ORC5: variants seen among roughly 807,000 people sequenced by gnomAD.
ORC5 encodes the protein protein phosphatase 1, regulatory subunit 117.
A neutral mutation model predicts 58.8 loss-of-function variants in ORC5; 39 were observed. The observed-to-expected ratio is 0.66, with a 90% confidence interval of 0.51 to 0.87. The LOEUF (loss-of-function observed/expected upper bound fraction) is 0.87, where lower values mean the gene tolerates loss of function less well. Among genes scored for constraint, ORC5 ranks in the 40% least tolerant of loss-of-function variants. The pLI is 0.00. For missense variants in ORC5, 493 were observed against 506.3 expected (o/e 0.97, Z 0.25); for synonymous variants, 218 against 177.6 (o/e 1.23, Z -1.81).
intron 8 of ORC5, among the ~76,000 whole-genome samples, chr7:104,172,051 CTTTG>C (rs1048208394): frequency 2.6e-5 from 4 of 152,184 alleles, no homozygotes; most frequent in African/African-American, 9.6e-5. Context: ...TCCTTTCAGT[CTTTG>C]TTTGACTTTT....
intron 12 of ORC5, among the ~76,000 whole-genome samples, chr7:104,159,075 C>T (rs1798978942): frequency 6.6e-6 from 1 of 151,364 alleles, no homozygotes; most frequent in African/African-American, 2.4e-5. Flanking sequence ...TTGGAACCAA[C>T]CCAAATGTCC....
At chr7:104,188,867 C>T (rs7805361) in intron 5 of ORC5, among the ~76,000 whole-genome samples, 6,746 of 151,990 alleles carry the variant, frequency 0.044, 485 homozygotes, top group African/African-American at 0.15. Flanking sequence ...TCAAAGTGTG[C>T]AGCACTTCCC....
chr7:104,188,023 T>C (rs1180618801), intron 6 of ORC5: 1 of 1,103,006 alleles, frequency 9.1e-7, no homozygotes, highest in African/African-American at 1.6e-5. Context: ...GACATTTTTC[T>C]GATCAGATCA....
chr7:104,165,375 T>C, intron 10 of ORC5, 93 bp from the exon 11 acceptor site: 2 of 689,022 alleles, frequency 2.9e-6, no homozygotes, highest in South Asian at 3.4e-5. Flanking sequence ...CACATAATAC[T>C]AATCTGTATA....
At chr7:104,179,567 C>T (rs1308836218) in intron 8 of ORC5, among the ~76,000 whole-genome samples, 1 of 150,718 alleles carries the variant, frequency 6.6e-6, no homozygotes, top group Non-Finnish European at 1.5e-5. Context: ...TATTGATCTG[C>T]TCTTAGTAAA....
Position 104,144,792 on chromosome 7 carries a change from T to TG in ORC5, c.1150-7900_1150-7899insC, listed in dbSNP as rs1462959264. On this transcript the variant is annotated intron_variant, in intron 12 of 13. Coordinates refer to ENST00000297431, the MANE Select transcript of ORC5 (RefSeq NM_002553.4). ...AAATAATGAACAGGATCATAAAAAA[T>TG]ACTTATTTACTTCCTTGCTCCACTT... is the stretch of plus-strand genomic sequence containing the variant. Among the ~76,000 whole-genome samples the TG allele has an allele frequency of 5.3e-5, 8 of 152,280 alleles. No individual in the cohort carries two copies. In the East Asian group the frequency reaches 1.5e-3, roughly 29 times the overall value.
rs139036700 is a variant in ORC5 at position 104,127,463 on chromosome 7, G to A, written c.1263-570C>T. 3.0e-4 allele frequency among the ~76,000 whole-genome samples: 46 copies of A among 152,194 alleles called. 1 individual carries two copies. The highest frequency in any genetic ancestry group is 1.1e-3 in the African/African-American group (46 of 41,534). On this transcript the variant is annotated intron_variant, in intron 13 of 13. Coordinates refer to ENST00000297431, the MANE Select transcript of ORC5 (RefSeq NM_002553.4). The stretch of plus-strand genomic sequence containing the variant: ...TGAATGTATATTTTTGTACTCTGAT[G>A]GCAGGCAGAATAAAATAGCAGAGAG...
At chr7:104,130,905 C>T (rs1033626841) in intron 13 of ORC5, among the ~76,000 whole-genome samples, 1 of 152,210 alleles carries the variant, frequency 6.6e-6, no homozygotes, top group Non-Finnish European at 1.5e-5. Context: ...CCCGTCCTAG[C>T]TTAAGACTCC....
At chr7:104,132,271 A>G (rs1488842713) in intron 13 of ORC5, among the ~76,000 whole-genome samples, 3 of 152,170 alleles carry the variant, frequency 2.0e-5, no homozygotes, top group Non-Finnish European at 4.4e-5. Flanking sequence ...GCAACTTTAT[A>G]TGAACTGTTA....
intron 11 of ORC5, among the ~76,000 whole-genome samples, chr7:104,163,125 T>A (rs576734644): frequency 1.3e-5 from 2 of 152,288 alleles, no homozygotes; most frequent in East Asian, 3.9e-4. Flanking sequence ...CTTGTGCACA[T>A]GTGTGAGTTT....
At chr7:104,181,786 C>T (rs987877791) in intron 8 of ORC5, among the ~76,000 whole-genome samples, 26 of 135,394 alleles carry the variant, frequency 1.9e-4, no homozygotes, top group African/African-American at 6.0e-4. Flanking sequence ...AGCGAGACTC[C>T]GTCTCAAAAA....
intron 12 of ORC5, among the ~76,000 whole-genome samples, chr7:104,142,632 T>C (rs911689545): frequency 1.3e-5 from 2 of 152,250 alleles, no homozygotes; most frequent in Middle Eastern, 6.8e-3. Flanking sequence ...TGGAAGCACA[T>C]GTGAAAGTTA....
chr7:104,154,688 A>G (rs1798895888), intron 12 of ORC5, among the ~76,000 whole-genome samples: 1 of 151,850 alleles, frequency 6.6e-6, no homozygotes, highest in African/African-American at 2.4e-5. Context: ...TTTAATTCCA[A>G]CCATGGAAAA....
chr7:104,168,018 T>C (rs1799137017), intron 9 of ORC5: 1 of 156,692 alleles, frequency 6.4e-6, no homozygotes, highest in Middle Eastern at 3.3e-3. Flanking sequence ...ATTAGTTCTA[T>C]TTAATATTTG....
chr7:104,153,199 T>C (rs1370888868), intron 12 of ORC5, among the ~76,000 whole-genome samples: 1 of 152,172 alleles, frequency 6.6e-6, no homozygotes, highest in Non-Finnish European at 1.5e-5. Flanking sequence ...ACTTTACTCT[T>C]TGCAAACATG....
At chr7:104,156,232 G>A (rs1309434879) in intron 12 of ORC5, among the ~76,000 whole-genome samples, 2 of 151,100 alleles carry the variant, frequency 1.3e-5, no homozygotes, top group Non-Finnish European at 3.0e-5. Flanking sequence ...GTAAAAACCA[G>A]GTAAGACTAA....
chr7:104,197,725 C>G lies in ORC5; in HGVS notation c.441G>C (p.Leu147Phe). The stretch of plus-strand genomic sequence containing the variant: ...GAAAGCACTTTCTCACATTACTTAC[C>G]AATTCTTGTAATCTAAGAAATCCAG... ...LLPGFLRLQE[L>F]ADRNVTVLFL... The change falls in exon 4 of 14, where the codon TTG becomes TTC. Residue 147 changes from leucine (L) to phenylalanine (F), a missense_variant and splice_region_variant. This residue lies in a region of ORC5 where 412 missense variants were observed against 403.7 expected (regional missense o/e 1.02). Coordinates refer to ENST00000297431, the MANE Select transcript of ORC5 (RefSeq NM_002553.4). 6 of 1,590,214 alleles carry G rather than the reference C, an allele frequency of 3.8e-6. No homozygotes were observed. Among genetic ancestry groups the G allele is most frequent in the Non-Finnish European group, 5.1e-6 (6 of 1,165,482 alleles).
chr7:104,197,402 G>C (rs1232555581), intron 4 of ORC5, among the ~76,000 whole-genome samples: 4 of 152,100 alleles, frequency 2.6e-5, no homozygotes, highest in Non-Finnish European at 4.4e-5. Context: ...TCCTTATTTT[G>C]AAATGCAAAG....
chr7:104,207,759 C>A, intron 1 of ORC5, 74 bp downstream of exon 1: 2 of 1,454,070 alleles, frequency 1.4e-6, no homozygotes, highest in African/African-American at 1.4e-5. Flanking sequence ...CACGAAAAAA[C>A]AAATATTGGA....
Sources: gnomAD v4.1 joint callset for allele counts (sites outside exome capture counted in the v4.1 genomes callset) on GRCh38, gnomAD v4.1.1 for gene constraint, gnomAD v4.1.1 regional missense constraint, MANE v1.5 for transcripts, NCBI Gene and HGNC (gene_info 2026-07-23, HGNC 2026-07-21) for gene names.